Variants in LYPD6B observed in about 807,000 individuals in gnomAD.
LYPD6B encodes the protein LY6/PLAUR domain containing 6B.
Under a neutral mutation model 22.8 loss-of-function variants are expected in LYPD6B, and 17 were observed. The ratio of observed to expected loss-of-function variants is 0.75; its 90% CI spans 0.51 to 1.12. The LOEUF (loss-of-function observed/expected upper bound fraction) is 1.12, where lower values mean the gene tolerates loss of function less well. Among genes scored for constraint, LYPD6B ranks in the 50% most tolerant of loss-of-function variants. The probability of loss-of-function intolerance (pLI) is 0.00; values close to 1 mark genes in which losing one functional copy is unlikely to be tolerated. For synonymous variants in LYPD6B, 106 were observed against 91.6 expected (o/e 1.16, Z -0.90); for missense variants, 221 against 258.3 (o/e 0.86, Z 0.99).
At chr2:149,156,573 G>A (rs1474068683) in intron 2 of LYPD6B, among the ~76,000 whole-genome samples, 1 of 152,146 alleles carries the variant, frequency 6.6e-6, no homozygotes, top group African/African-American at 2.4e-5. Flanking sequence ...CATAGCCTGT[G>A]GATGGTCTTC....
chr2:149,192,156 C>T (rs1416735246), intron 3 of LYPD6B, among the ~76,000 whole-genome samples: 1 of 152,164 alleles, frequency 6.6e-6, no homozygotes, highest in Non-Finnish European at 1.5e-5. Context: ...TCAAGCCTGC[C>T]GGTGGGCTGG....
intron 1 of LYPD6B, among the ~76,000 whole-genome samples, chr2:149,039,423 C>T (rs1420631201): frequency 6.6e-6 from 1 of 152,168 alleles, no homozygotes; most frequent in South Asian, 2.1e-4. Flanking sequence ...GGTCTGTATG[C>T]CCTGTGGCGT....
intron 2 of LYPD6B, among the ~76,000 whole-genome samples, chr2:149,135,981 C>T (rs1434467672): frequency 1.3e-5 from 2 of 152,172 alleles, no homozygotes; most frequent in South Asian, 2.1e-4. Context: ...TCATAGTCAT[C>T]GCTACCTGCT....
At chr2:149,052,585 G>T (rs1683612751) in intron 1 of LYPD6B, among the ~76,000 whole-genome samples, 1 of 152,326 alleles carries the variant, frequency 6.6e-6, no homozygotes. Context: ...CTGTGGTCTT[G>T]TCTGGGGCTA....
At chr2:149,156,446 A>G (rs1337460287) in intron 2 of LYPD6B, among the ~76,000 whole-genome samples, 2 of 152,202 alleles carry the variant, frequency 1.3e-5, no homozygotes, top group East Asian at 1.9e-4. Flanking sequence ...GCCTTCCATA[A>G]CAAAGCACCA....
At chr2:149,175,826 C>T (rs1233932537) in intron 3 of LYPD6B, among the ~76,000 whole-genome samples, 7 of 151,688 alleles carry the variant, frequency 4.6e-5, no homozygotes, top group African/African-American at 1.7e-4. Flanking sequence ...CACTGTCTTC[C>T]ACCTCCACAT....
chr2:149,104,295 G>T (rs2105503082), intron 1 of LYPD6B, among the ~76,000 whole-genome samples: 1 of 152,148 alleles, frequency 6.6e-6, no homozygotes, highest in East Asian at 1.9e-4. Context: ...TGGAACATTT[G>T]GTAGTTGTGT....
chr2:149,062,816 G>A (rs1684148857), intron 1 of LYPD6B, among the ~76,000 whole-genome samples: 1 of 148,958 alleles, frequency 6.7e-6, no homozygotes, highest in Non-Finnish European at 1.5e-5. Flanking sequence ...GTATTAGTCA[G>A]TAGGGGAGAT....
intron 1 of LYPD6B, among the ~76,000 whole-genome samples, chr2:149,107,711 C>G (rs369727330): frequency 3.3e-5 from 5 of 152,184 alleles, no homozygotes; most frequent in African/African-American, 1.2e-4. Flanking sequence ...TCTGGTTTAA[C>G]TCTATTATAT....
At chr2:149,167,536 G>C (rs1221878928) in intron 3 of LYPD6B, among the ~76,000 whole-genome samples, 4 of 152,172 alleles carry the variant, frequency 2.6e-5, no homozygotes, top group Admixed American at 1.3e-4. Context: ...GTACGTGTGT[G>C]GGGAGGTATA....
Position 149,166,181 on chromosome 2 carries a change from G to A in LYPD6B, c.77+5346G>A, listed in dbSNP as rs1690409244. ...AAGACTTAGCCTCAAAGAAAAAAAT[G>A]TTGTGTTTATTTAGCTTTTTGTTTA... On this transcript the variant is annotated intron_variant, in intron 3 of 6. Transcript: ENST00000409642. 4.0e-5 allele frequency among the ~76,000 whole-genome samples: 6 copies of A among 151,696 alleles called. No homozygotes were observed. The South Asian group carries it at 1.2e-3, about 31-fold the overall frequency.
intron 3 of LYPD6B, among the ~76,000 whole-genome samples, chr2:149,173,717 AC>A (rs1691033959): frequency 6.6e-6 from 1 of 152,136 alleles, no homozygotes; most frequent in Non-Finnish European, 1.5e-5. Context: ...GTTTGGCTTG[AC>A]TTTACGTTAT....
At chr2:149,088,059 C>A (rs1685480831) in intron 1 of LYPD6B, among the ~76,000 whole-genome samples, 1 of 151,416 alleles carries the variant, frequency 6.6e-6, no homozygotes, top group Non-Finnish European at 1.5e-5. Context: ...TTCGTATCTC[C>A]TTGCTCCCTC....
chr2:149,102,078 C>G (rs897420420), intron 1 of LYPD6B, among the ~76,000 whole-genome samples: 1 of 152,234 alleles, frequency 6.6e-6, no homozygotes, highest in Non-Finnish European at 1.5e-5. Flanking sequence ...CATTTACTCA[C>G]AGCTTTAATG....
At chr2:149,079,545 G>C (rs1266358113) in intron 1 of LYPD6B, among the ~76,000 whole-genome samples, 1 of 152,076 alleles carries the variant, frequency 6.6e-6, no homozygotes, top group African/African-American at 2.4e-5. Context: ...AAGTTCAGAA[G>C]TGATTCCGAA....
chr2:149,053,789 T>A (rs1660572888), intron 1 of LYPD6B, among the ~76,000 whole-genome samples: 1 of 152,212 alleles, frequency 6.6e-6, no homozygotes, highest in South Asian at 2.1e-4. Context: ...TCTGTCTTGA[T>A]GGATTTGCCT....
intron 3 of LYPD6B, among the ~76,000 whole-genome samples, chr2:149,169,580 A>C (rs532263965): frequency 1.1e-4 from 17 of 152,350 alleles, no homozygotes; most frequent in African/African-American, 3.8e-4. Context: ...TAAGAGAGAC[A>C]ACCAGCTAGT....
chr2:149,130,929 TG>T lies in LYPD6B; in HGVS notation c.-19del. ...TGTTGGCAACCCTCCTGGACTAGGC[TG>T]CTCTTGTTAATCACATGGATGTTGT... On this transcript the variant is annotated 5_prime_UTR_variant, in exon 2 of 7. Coordinates refer to ENST00000409642, the MANE Select transcript of LYPD6B (RefSeq NM_177964.5). 6.2e-7 allele frequency: 1 copy of T among 1,601,194 alleles called. No homozygotes were observed. The highest frequency in any genetic ancestry group is 8.6e-7 in the Non-Finnish European group (1 of 1,168,360).
rs906136928 is a variant in LYPD6B, at chr2:149,060,699, C to G, written c.-67+21898C>G. Among the ~76,000 whole-genome samples the G allele has an allele frequency of 2.0e-4, 31 of 152,054 alleles. 1 individual carries two copies. The highest frequency in any genetic ancestry group is 5.9e-4 in the Admixed American group (9 of 15,270). On this transcript the variant is annotated intron_variant, in intron 1 of 6. Transcript: ENST00000409642. ...CAGGGGTAAGAGGAAACTTGCAATCCTCTTAAGGTCTAGGCTCCCACCCAG... is the reference window on the plus strand; with the variant it reads ...CAGGGGTAAGAGGAAACTTGCAATCGTCTTAAGGTCTAGGCTCCCACCCAG...
Sources: gnomAD v4.1 joint callset for allele counts (sites outside exome capture counted in the v4.1 genomes callset) on GRCh38, gnomAD v4.1.1 for gene constraint, MANE v1.5 for transcripts, NCBI Gene and HGNC (gene_info 2026-07-23, HGNC 2026-07-21) for gene names.